Variants in KALRN observed in about 807,000 individuals in gnomAD.
The protein encoded by KALRN is kalirin RhoGEF kinase.
In KALRN, 70 loss-of-function variants were observed where a neutral mutation model predicts 353.7. The observed-to-expected ratio is 0.20, with a 90% CI of 0.16 to 0.24. KALRN has a LOEUF of 0.24. Among genes scored for constraint, KALRN ranks in the 10% least tolerant of loss-of-function variants. The pLI, the probability that KALRN is intolerant of heterozygous loss-of-function variation, is 1.00. For missense variants in KALRN, 2,791 were observed against 3,756.7 expected (o/e 0.74, Z 6.72); for synonymous variants, 1,391 against 1,434.8 (o/e 0.97, Z 0.69).
intron 33 of KALRN, among the ~76,000 whole-genome samples, chr3:124,496,627 G>A (rs2063883018): frequency 6.6e-6 from 1 of 152,138 alleles, no homozygotes; most frequent in Non-Finnish European, 1.5e-5. Flanking sequence ...GGTGGTTCAG[G>A]CTGACCTCTC....
chr3:124,380,765 T>C (rs1421799004), intron 10 of KALRN, among the ~76,000 whole-genome samples: 1 of 152,218 alleles, frequency 6.6e-6, no homozygotes, highest in African/African-American at 2.4e-5. Flanking sequence ...ATTGCTTTGG[T>C]AATACTTTAG....
At chr3:124,165,988 T>C (rs910111282) in intron 1 of KALRN, among the ~76,000 whole-genome samples, 3 of 152,126 alleles carry the variant, frequency 2.0e-5, no homozygotes, top group Non-Finnish European at 4.4e-5. Context: ...CTCAGGGCCT[T>C]TGCACAAGTG....
intron 9 of KALRN, among the ~76,000 whole-genome samples, chr3:124,339,911 G>C (rs2081514105): frequency 6.6e-6 from 1 of 152,140 alleles, no homozygotes; most frequent in Non-Finnish European, 1.5e-5. Flanking sequence ...GAGAGAACCA[G>C]GTGAGGAATC....
chr3:124,679,416 CTG>C (rs1487501702), intron 50 of KALRN, 40 bp from the exon 51 acceptor site: 3 of 1,565,084 alleles, frequency 1.9e-6, no homozygotes, highest in South Asian at 1.1e-5. Flanking sequence ...TGTGTTCTAA[CTG>C]TGTTCTCTTT....
At chr3:124,044,606 T>A (rs1166668324) in intron 1 of KALRN, among the ~76,000 whole-genome samples, 1 of 141,816 alleles carries the variant, frequency 7.1e-6, no homozygotes, top group East Asian at 2.0e-4. Context: ...AGAGTGAGAC[T>A]CTGTCTCCAA....
chr3:124,566,028 T>G (rs1436049066), intron 34 of KALRN, among the ~76,000 whole-genome samples: 1 of 152,162 alleles, frequency 6.6e-6, no homozygotes, highest in Non-Finnish European at 1.5e-5. Flanking sequence ...CAGCATAGCT[T>G]CTTAAAGGTA....
intron 1 of KALRN, among the ~76,000 whole-genome samples, chr3:124,177,766 G>A (rs915940891): frequency 6.6e-6 from 1 of 152,168 alleles, no homozygotes; most frequent in African/African-American, 2.4e-5. Flanking sequence ...GGGGAGGGAT[G>A]GTTCCTACCA....
At chr3:124,459,057 T>A (rs1195880919) in intron 23 of KALRN, among the ~76,000 whole-genome samples, 2 of 152,228 alleles carry the variant, frequency 1.3e-5, no homozygotes, top group African/African-American at 4.8e-5. Flanking sequence ...AACATCAATT[T>A]CTTTACTTGA....
chr3:124,560,663 A>T (rs1462964260), intron 33 of KALRN, among the ~76,000 whole-genome samples: 1 of 152,314 alleles, frequency 6.6e-6, no homozygotes, highest in East Asian at 1.9e-4. Flanking sequence ...GGAGTTCAAG[A>T]AAAACATAGT....
intron 57 of KALRN, among the ~76,000 whole-genome samples, chr3:124,705,799 C>T (rs1277352460): frequency 6.7e-6 from 1 of 149,272 alleles, no homozygotes; most frequent in Non-Finnish European, 1.5e-5. Context: ...AAGACTGGTC[C>T]CTCCCTTCCT....
At chr3:124,268,462 G>T in intron 4 of KALRN, 1 of 430,456 alleles carries the variant, frequency 2.3e-6, no homozygotes, top group East Asian at 4.1e-5. Context: ...GTCAGGAGGA[G>T]GGAAAATGAG....
At chr3:124,325,953 C>A in intron 6 of KALRN, 27 bp from the exon 7 acceptor site, 1 of 1,594,300 alleles carries the variant, frequency 6.3e-7, no homozygotes, top group South Asian at 1.1e-5. Context: ...GAGCCTGCCC[C>A]ACTGAGCACT....
Position 124,666,491 on chromosome 3 carries a change from T to C in KALRN, c.6388T>C (p.Phe2130Leu). 6.2e-7 allele frequency: 1 copy of C among 1,614,048 alleles called. No individual in the cohort carries two copies. The highest frequency in any genetic ancestry group is 8.5e-7 in the Non-Finnish European group (1 of 1,179,908). ...GGGGAAGCTGCTGCAGCAGGACACA[T>C]TCTATGTGATCGAGCTGGATGCAGG... ...AQGKLLQQDTFYVIELDAGMQ... is the reference protein window; with the variant it reads ...AQGKLLQQDTLYVIELDAGMQ... Residue 2130 changes from phenylalanine to leucine, a missense_variant, in exon 46 of 60, where the codon TTC (phenylalanine) becomes CTC (leucine). Coordinates refer to ENST00000682506, the MANE Select transcript of KALRN (RefSeq NM_001388419.1).
chr3:124,438,944 T>A lies in KALRN; in HGVS notation c.3105T>A (p.Cys1035Ter), dbSNP rs1304729291. 6.2e-7 allele frequency: 1 copy of A among 1,614,042 alleles called. No individual in the cohort carries two copies. The change falls in exon 18 of 60, where the codon TGT (cysteine) becomes TGA (stop). Residue 1035 changes from cysteine (C) to a stop codon, truncating the protein, a stop_gained. Coordinates refer to ENST00000682506, the MANE Select transcript of KALRN (RefSeq NM_001388419.1). LOFTEE classifies it high-confidence loss of function. The part of the protein sequence containing the change: ...EQEYRRDEDW[C>*]GGRDKLGPAA... ...AATACCGGAGAGATGAGGACTGGTG[T>A]GGTGGACGAGATAAGCTGGGGCCAG...
intron 1 of KALRN, among the ~76,000 whole-genome samples, chr3:124,198,471 A>G (rs1358399547): frequency 6.6e-6 from 1 of 152,154 alleles, no homozygotes; most frequent in Admixed American, 6.5e-5. Flanking sequence ...AAGGCTTCTG[A>G]GGTGGGAGGG....
chr3:124,357,322 C>T (rs1020558585), intron 10 of KALRN, among the ~76,000 whole-genome samples: 7 of 152,330 alleles, frequency 4.6e-5, no homozygotes, highest in South Asian at 2.1e-4. Context: ...TCTATCCTCA[C>T]GCTGCCACAA....
intron 34 of KALRN, among the ~76,000 whole-genome samples, chr3:124,571,528 G>T (rs117360296): frequency 0.012 from 1,847 of 152,192 alleles, 66 homozygotes; most frequent in Admixed American, 0.072. Context: ...ATTGCTATTT[G>T]TTCTAAAGTA....
intron 5 of KALRN, among the ~76,000 whole-genome samples, chr3:124,297,764 A>G (rs894287809): frequency 2.6e-5 from 4 of 152,250 alleles, no homozygotes; most frequent in African/African-American, 4.8e-5. Flanking sequence ...AAGTCCAGAG[A>G]CAAAGTGGAA....
chr3:124,309,425 G>A (rs567029197), intron 6 of KALRN, among the ~76,000 whole-genome samples: 1 of 152,166 alleles, frequency 6.6e-6, no homozygotes, highest in African/African-American at 2.4e-5. Flanking sequence ...GCCAGACATG[G>A]TGGTGCTCAC....
Sources: gnomAD v4.1 joint callset for allele counts (sites outside exome capture counted in the v4.1 genomes callset) on GRCh38, gnomAD v4.1.1 for gene constraint, MANE v1.5 for transcripts, NCBI Gene and HGNC (gene_info 2026-07-23, HGNC 2026-07-21) for gene names.